Variants in CSMD1 observed in about 807,000 individuals in gnomAD.
CSMD1 encodes the protein CUB and Sushi multiple domains 1.
A neutral mutation model predicts 417.5 loss-of-function variants in CSMD1; 213 were observed. That is an observed-to-expected ratio of 0.51 (90% CI 0.46 to 0.57). The LOEUF (loss-of-function observed/expected upper bound fraction) is 0.57, where lower values mean the gene tolerates loss of function less well. Among genes scored for constraint, CSMD1 ranks in the 20% least tolerant of loss-of-function variants. The probability of loss-of-function intolerance (pLI) is 0.00; values close to 1 mark genes in which losing one functional copy is unlikely to be tolerated. For synonymous variants in CSMD1, 2,862 were observed against 1,736.8 expected (o/e 1.65, Z -16.11); for missense variants, 6,923 against 4,529.7 (o/e 1.53, Z -15.17).
intron 1 of CSMD1, among the ~76,000 whole-genome samples, chr8:4,771,402 C>A (rs894504728): frequency 6.6e-6 from 1 of 152,220 alleles, no homozygotes; most frequent in African/African-American, 2.4e-5. Flanking sequence ...TGCAGAGAAG[C>A]TTGCATTCCA....
chr8:3,669,689 G>A (rs763434227), intron 7 of CSMD1, among the ~76,000 whole-genome samples: 1 of 152,074 alleles, frequency 6.6e-6, no homozygotes, highest in Non-Finnish European at 1.5e-5. Context: ...TTCTGTGTGA[G>A]GCGTTATGCT....
chr8:3,360,352 T>G (rs1470303865), intron 20 of CSMD1, among the ~76,000 whole-genome samples: 7 of 152,266 alleles, frequency 4.6e-5, no homozygotes, highest in African/African-American at 1.4e-4. Flanking sequence ...TACAGCCAAC[T>G]CCTTCTGATC....
At chr8:4,362,725 T>A (rs968993235) in intron 3 of CSMD1, among the ~76,000 whole-genome samples, 2 of 152,230 alleles carry the variant, frequency 1.3e-5, no homozygotes, top group East Asian at 1.9e-4. Flanking sequence ...GGACTTTCTT[T>A]ACATTGTTGT....
At chr8:3,306,252 G>A (rs886539145) in intron 25 of CSMD1, among the ~76,000 whole-genome samples, 2 of 152,084 alleles carry the variant, frequency 1.3e-5, no homozygotes, top group Non-Finnish European at 1.5e-5. Flanking sequence ...AAAATCATTT[G>A]TTTATAAATA....
At chr8:4,916,356 C>A (rs146774717) in intron 1 of CSMD1, among the ~76,000 whole-genome samples, 1 of 152,000 alleles carries the variant, frequency 6.6e-6, no homozygotes, top group Non-Finnish European at 1.5e-5. Context: ...ATGGCAAAAC[C>A]CTTTGAAAAA....
chr8:3,706,583 A>C (rs1467140970), intron 7 of CSMD1, among the ~76,000 whole-genome samples: 1 of 152,214 alleles, frequency 6.6e-6, no homozygotes, highest in African/African-American at 2.4e-5. Flanking sequence ...ATGAGGACAG[A>C]AGAGATATTC....
rs557565861 is a variant in CSMD1 at position 3,525,513 on chromosome 8, C to A, written c.1345-31787G>T. Among the ~76,000 whole-genome samples, 6 of 152,270 alleles carry A rather than the reference C, an allele frequency of 3.9e-5. No homozygotes were observed. In the East Asian group the frequency reaches 9.6e-4, roughly 24 times the overall value. ...CGTGATAAGAAACGCAGTACCCTGA[C>A]ACTGATTTTACTCTGAAAATATTGG... On this transcript the variant is annotated intron_variant, in intron 10 of 69. Transcript: ENST00000635120.
intron 1 of CSMD1, among the ~76,000 whole-genome samples, chr8:4,972,065 G>C (rs1323520172): frequency 1.3e-5 from 2 of 152,084 alleles, no homozygotes; most frequent in Non-Finnish European, 2.9e-5. Context: ...GAAGAGGTAA[G>C]CGATACCATA....
intron 1 of CSMD1, among the ~76,000 whole-genome samples, chr8:4,649,031 C>A (rs911350634): frequency 6.6e-6 from 1 of 152,138 alleles, no homozygotes; most frequent in Admixed American, 6.5e-5. Context: ...TTCTCTTTGG[C>A]CGAGAAACTC....
chr8:4,039,160 G>C (rs887394181), intron 3 of CSMD1, among the ~76,000 whole-genome samples: 2 of 152,172 alleles, frequency 1.3e-5, no homozygotes, highest in Admixed American at 1.3e-4. Context: ...TGTACAATCA[G>C]TGGAATTTCA....
intron 17 of CSMD1, among the ~76,000 whole-genome samples, chr8:3,392,172 G>C (rs547647500): frequency 1.3e-5 from 2 of 150,220 alleles, no homozygotes; most frequent in Non-Finnish European, 3.0e-5. Flanking sequence ...TGAGTTAATG[G>C]GTGCACCACA....
At chr8:4,233,690 G>A (rs549438968) in intron 3 of CSMD1, among the ~76,000 whole-genome samples, 2 of 152,018 alleles carry the variant, frequency 1.3e-5, no homozygotes, top group Non-Finnish European at 2.9e-5. Flanking sequence ...TCCAATGTAT[G>A]GAATTTTGGT....
rs150657157 is a variant in CSMD1 at position 3,560,921 on chromosome 8, C to T, written c.1344+14024G>A. On this transcript the variant is annotated intron_variant, in intron 10 of 69. Transcript: ENST00000635120. ...TTCCTATTTACTTCCATGTTACAGA[C>T]GCCTCACGTTGTATTTAGAATCCAG... 3.2e-3 allele frequency among the ~76,000 whole-genome samples: 492 copies of T among 152,270 alleles called. 3 individuals are homozygous for T. Among genetic ancestry groups the T allele is most frequent in the African/African-American group, 0.011 (465 of 41,546 alleles).
intron 12 of CSMD1, among the ~76,000 whole-genome samples, chr8:3,443,344 G>A (rs1279661013): frequency 1.3e-5 from 2 of 152,132 alleles, no homozygotes; most frequent in Admixed American, 6.5e-5. Flanking sequence ...GAGAGAGAGA[G>A]AAAGAGAAAG....
At chr8:3,926,907 G>A (rs1413253768) in intron 5 of CSMD1, among the ~76,000 whole-genome samples, 1 of 151,376 alleles carries the variant, frequency 6.6e-6, no homozygotes, top group African/African-American at 2.4e-5. Flanking sequence ...GTAGAGAAAG[G>A]GTTTCACCAT....
intron 5 of CSMD1, among the ~76,000 whole-genome samples, chr8:3,846,820 C>T (rs1803538168): frequency 6.6e-6 from 1 of 152,064 alleles, no homozygotes; most frequent in African/African-American, 2.4e-5. Flanking sequence ...ATTACAGGTG[C>T]CTGCCACCAC....
chr8:3,219,188 C>G, intron 29 of CSMD1, 67 bp downstream of exon 29: 5 of 1,286,980 alleles, frequency 3.9e-6, no homozygotes, highest in Non-Finnish European at 4.4e-6. Flanking sequence ...TGTTACAAAG[C>G]AATGCCTACA....
At chr8:4,717,293 TTCTC>T (rs557155976) in intron 1 of CSMD1, among the ~76,000 whole-genome samples, 1 of 129,912 alleles carries the variant, frequency 7.7e-6, no homozygotes, top group East Asian at 2.3e-4. Flanking sequence ...GACCCTGCCC[TTCTC>T]TCTCTCTCTC....
Position 4,923,771 on chromosome 8 carries a change from C to G in CSMD1, c.85+70561G>C, listed in dbSNP as rs538261215. Among the ~76,000 whole-genome samples the G allele has an allele frequency of 4.9e-4, 75 of 152,214 alleles. 1 individual carries two copies. In the South Asian group the frequency reaches 9.1e-3, roughly 19 times the overall value. ...TTGGAAAGGTCATTCTATTATATATCTCCAAGATTCAGTGTCCCAATGGTA... is the reference window on the plus strand; with the variant it reads ...TTGGAAAGGTCATTCTATTATATATGTCCAAGATTCAGTGTCCCAATGGTA... On this transcript the variant is annotated intron_variant, in intron 1 of 69. Coordinates refer to ENST00000635120, the MANE Select transcript of CSMD1 (RefSeq NM_033225.6).
Sources: gnomAD v4.1 joint callset for allele counts (sites outside exome capture counted in the v4.1 genomes callset) on GRCh38, gnomAD v4.1.1 for gene constraint, MANE v1.5 for transcripts, NCBI Gene and HGNC (gene_info 2026-07-23, HGNC 2026-07-21) for gene names.